CCDC88A: variants seen among roughly 807,000 people sequenced by gnomAD.
CCDC88A encodes the protein girdin.
Under a neutral mutation model 234.3 loss-of-function variants are expected in CCDC88A, and 54 were observed. That is an observed-to-expected ratio of 0.23 (90% CI 0.19 to 0.29). CCDC88A has a LOEUF of 0.29. Among genes scored for constraint, CCDC88A ranks in the 10% least tolerant of loss-of-function variants. The pLI, the probability that CCDC88A is intolerant of heterozygous loss-of-function variation, is 1.00. For synonymous variants in CCDC88A, 753 were observed against 737.8 expected (o/e 1.02, Z -0.33); for missense variants, 1,832 against 2,123.4 (o/e 0.86, Z 2.70).
At chr2:55,318,751 C>G in intron 19 of CCDC88A, 92 bp downstream of exon 19, 1 of 1,041,814 alleles carries the variant, frequency 9.6e-7, no homozygotes, top group Non-Finnish European at 1.3e-6. Context: ...AGTTCATTCA[C>G]TAAGAAACAA....
rs1675158357 is a variant in CCDC88A at position 55,384,531 on chromosome 2, A to ATACACG, written c.273+4246_273+4247insCGTGTA. On this transcript the variant is annotated intron_variant, in intron 3 of 32. Transcript: ENST00000436346. ...TATTATATATAAATTATATATATATACATATATACGTATATATGTGTATAT... is the reference window on the plus strand; with the variant it reads ...TATTATATATAAATTATATATATATATACACGCATATATACGTATATATGTGTATAT... 1.3e-4 allele frequency among the ~76,000 whole-genome samples: 6 copies of ATACACG among 47,226 alleles called. 2 individuals are homozygous for ATACACG. Among genetic ancestry groups the ATACACG allele is most frequent in the African/African-American group, 4.0e-4 (6 of 14,984 alleles). 31.0% of individuals were successfully genotyped at this position (47,226 alleles called of 152,430 possible).
In CCDC88A at chr2:55,309,988, T is replaced by G. The variant is rs1682133643; in HGVS notation, c.4080-734A>C. Among the ~76,000 whole-genome samples the G allele has an allele frequency of 6.6e-6, 1 of 152,084 alleles. No homozygotes were observed. Among genetic ancestry groups the G allele is most frequent in the Non-Finnish European group, 1.5e-5 (1 of 68,020 alleles). ...ATACTGTGCAAGTACAACAGGAAGG[T>G]AAATATATCCATCTTAGATCACGAA... On this transcript the variant is annotated intron_variant, in intron 23 of 32. Transcript: ENST00000436346. This position sits in a 1 kb window ranked among gnomAD's most constrained non-coding sequence, Gnocchi z 5.1.
At chr2:55,302,398 T>C (rs17527025) in intron 26 of CCDC88A, among the ~76,000 whole-genome samples, 2,005 of 152,310 alleles carry the variant, frequency 0.013, 22 homozygotes, top group South Asian at 0.025. Context: ...TGTGGTTTTG[T>C]GGTGACAAAA....
intron 8 of CCDC88A, among the ~76,000 whole-genome samples, chr2:55,353,053 G>C (rs1239223402): frequency 6.6e-6 from 1 of 152,074 alleles, no homozygotes; most frequent in Non-Finnish European, 1.5e-5. Flanking sequence ...TGAAAAGCTA[G>C]TTACCGGGAA....
intron 7 of CCDC88A, chr2:55,356,077 T>C (rs941620411): frequency 6.1e-6 from 1 of 164,758 alleles, no homozygotes; most frequent in Non-Finnish European, 1.3e-5. Context: ...CATGGTAGTC[T>C]GCTGCACCTA....
intron 4 of CCDC88A, among the ~76,000 whole-genome samples, 196 bp downstream of exon 4, chr2:55,374,618 A>G (rs1673334885): frequency 6.6e-6 from 1 of 152,194 alleles, no homozygotes; most frequent in Admixed American, 6.5e-5. Context: ...TTTAATGTAA[A>G]ATTTATGTCT....
chr2:55,418,976 A>C, intron 1 of CCDC88A, 41 bp downstream of exon 1: 1 of 1,599,892 alleles, frequency 6.3e-7, no homozygotes, highest in Non-Finnish European at 8.6e-7. Context: ...TGCAGCCACA[A>C]ATAACTCAGC....
rs1681926864 is a variant in CCDC88A at position 55,419,035 on chromosome 2, G to A, written c.45C>T (p.Thr15=). The A allele has an allele frequency of 6.2e-7, 1 of 1,613,278 alleles. No individual in the cohort carries two copies. Among genetic ancestry groups the A allele is most frequent in the Non-Finnish European group, 8.5e-7 (1 of 1,179,268 alleles). The change falls in exon 1 of 33, where the codon ACC becomes ACT. Residue 15 remains threonine, a synonymous_variant. Transcript: ENST00000436346. The part of the protein sequence containing the change: ...IFTPLLEQFM[T]SPLVTWVKTF... ...CACTTACCCAAGTGACCAAAGGGCT[G>A]GTCATGAACTGCTCCAGAAGGGGAG... is the stretch of plus-strand genomic sequence containing the variant.
chr2:55,339,754 CCTTAA>C, intron 12 of CCDC88A, 106 bp from the exon 13 acceptor site: 1 of 759,816 alleles, frequency 1.3e-6, no homozygotes, highest in South Asian at 2.5e-5. Context: ...ATCATCTGAT[CCTTAA>C]CTTTATTAAA....
At chr2:55,389,780 C>T (rs1676297532) in intron 2 of CCDC88A, among the ~76,000 whole-genome samples, 1 of 151,894 alleles carries the variant, frequency 6.6e-6, no homozygotes, top group Non-Finnish European at 1.5e-5. Flanking sequence ...GTGACTCACG[C>T]CTATAATCCC....
chr2:55,294,656 A>G (rs1679811843), intron 31 of CCDC88A: 2 of 991,730 alleles, frequency 2.0e-6, no homozygotes, highest in Non-Finnish European at 2.4e-6. Flanking sequence ...TGGGAAGAGG[A>G]GGAAGGGAGG....
At position 55,416,309 on chromosome 2, in the gene CCDC88A, A is replaced by C. The variant is rs571873580; in HGVS notation, c.164+2507T>G. On this transcript the variant is annotated intron_variant, in intron 2 of 32. Transcript: ENST00000436346. ...AAATTTGGAGACATCACAACAGACT[A>C]TCCAAAATGAAACAAAGAAGACTGA... is the stretch of plus-strand genomic sequence containing the variant. 6.0e-5 allele frequency among the ~76,000 whole-genome samples: 9 copies of C among 150,440 alleles called. No homozygotes were observed. In the South Asian group the frequency reaches 1.7e-3, roughly 28 times the overall value.
Position 55,418,924 on chromosome 2 carries a change from A to G in CCDC88A, c.64-8T>C, listed in dbSNP as rs1681900168. On this transcript the variant is annotated splice_region_variant and splice_polypyrimidine_tract_variant and intron_variant, in intron 1 of 32. Coordinates refer to ENST00000436346, the MANE Select transcript of CCDC88A (RefSeq NM_001365480.1). ...AGGTCCAAACGTTTTAACCTAGAAC[A>G]AACAGAAGGATCACCACGACATGAA... The G allele has an allele frequency of 1.9e-6, 3 of 1,612,104 alleles. No individual in the cohort carries two copies. Among genetic ancestry groups the G allele is most frequent in the Non-Finnish European group, 2.5e-6 (3 of 1,178,236 alleles).
chr2:55,354,484 T>C (rs1021036670), intron 8 of CCDC88A, among the ~76,000 whole-genome samples: 1 of 152,350 alleles, frequency 6.6e-6, no homozygotes, highest in East Asian at 1.9e-4. Context: ...TTTATAATAA[T>C]GTTTAGTAAC....
intron 2 of CCDC88A, among the ~76,000 whole-genome samples, chr2:55,416,304 AGACT>A (rs1681374907): frequency 6.6e-6 from 1 of 150,512 alleles, no homozygotes; most frequent in African/African-American, 2.4e-5. Context: ...ACATCACAAC[AGACT>A]ATCCAAAATG....
chr2:55,399,769 G>A (rs1026842596), intron 2 of CCDC88A: 1 of 152,116 alleles, frequency 6.6e-6, no homozygotes, highest in Non-Finnish European at 1.5e-5. Flanking sequence ...AGCTATCTCT[G>A]CATAGAATTC....
At chr2:55,389,425 A>G (rs1676218426) in intron 2 of CCDC88A, among the ~76,000 whole-genome samples, 1 of 152,170 alleles carries the variant, frequency 6.6e-6, no homozygotes, top group Non-Finnish European at 1.5e-5. Context: ...CAGAAGAAAA[A>G]TAGTCAAGTC....
Position 55,332,821 on chromosome 2 carries a change from C to T in CCDC88A, c.2728-128G>A. The T allele has an allele frequency of 1.3e-6, 1 of 763,762 alleles. No individual in the cohort carries two copies. Among genetic ancestry groups the T allele is most frequent in the East Asian group, 2.7e-5 (1 of 37,420 alleles). The allele number at this position is 763,762 out of a possible 1,614,324, so 47.3% of individuals were successfully genotyped here. On this transcript the variant is annotated intron_variant, in intron 15 of 32. Coordinates refer to ENST00000436346, the MANE Select transcript of CCDC88A (RefSeq NM_001365480.1). This position sits in a 1 kb window ranked among gnomAD's most constrained non-coding sequence, Gnocchi z 4.5. ...TTTGAACCAGGAAATGTCATTAAAC[C>T]ATTCCTTCATTATTAAAATGTAGTT...
intron 4 of CCDC88A, among the ~76,000 whole-genome samples, chr2:55,373,665 T>C (rs1673176992): frequency 6.6e-6 from 1 of 152,338 alleles, no homozygotes; most frequent in South Asian, 2.1e-4. Context: ...ACCAAATGTA[T>C]GTACGATGGG....
Sources: gnomAD v4.1 joint callset for allele counts (sites outside exome capture counted in the v4.1 genomes callset) on GRCh38, gnomAD v4.1.1 for gene constraint, Gnocchi (gnomAD v3.1) non-coding constraint, MANE v1.5 for transcripts, NCBI Gene and HGNC (gene_info 2026-07-23, HGNC 2026-07-21) for gene names.